Variants in ACTR1A observed in about 807,000 individuals in gnomAD.
ACTR1A encodes the protein actin related protein 1A, also known as alpha-centractin.
In ACTR1A, 10 loss-of-function variants were observed where a neutral mutation model predicts 50.7. The observed-to-expected ratio is 0.20, with a 90% CI of 0.12 to 0.33. The LOEUF is 0.33. Among genes scored for constraint, ACTR1A ranks in the 10% least tolerant of loss-of-function variants. The probability of loss-of-function intolerance (pLI) is 1.00; values close to 1 mark genes in which losing one functional copy is unlikely to be tolerated. For missense variants in ACTR1A, 253 were observed against 491.7 expected, an observed-to-expected ratio of 0.51 and a Z score of 4.59; for synonymous variants, 177 against 184.2, an observed-to-expected ratio of 0.96 and a Z score of 0.32.
chr10:102,482,086 C>T lies in ACTR1A; in HGVS notation c.840G>A (p.Val280=), dbSNP rs1378404819. 3.7e-6 allele frequency: 6 copies of T among 1,614,200 alleles called. No homozygotes were observed. The highest frequency in any genetic ancestry group is 1.7e-5 in the Admixed American group (1 of 60,022). ...CCATGTCTGACTTCTGAATGGCGAACACCAGGACCTCGTGGATGCCTTCAC... is the reference window on the plus strand; with the variant it reads ...CCATGTCTGACTTCTGAATGGCGAATACCAGGACCTCGTGGATGCCTTCAC... ...EESEGIHEVL[V]FAIQKSDMDL... The change falls in exon 8 of 11, where the codon GTG becomes GTA. Residue 280 remains valine (V), a synonymous_variant. Transcript: ENST00000369905. This position sits in a 1 kb window ranked among gnomAD's most constrained non-coding sequence, Gnocchi z 5.6.
intron 1 of ACTR1A, among the ~76,000 whole-genome samples, chr10:102,498,698 C>G (rs1016948579): frequency 2.0e-5 from 3 of 151,568 alleles, no homozygotes; most frequent in African/African-American, 7.3e-5. Context: ...GTCTCCAATT[C>G]CTGGGCTCAA....
At chr10:102,502,248 T>C (rs544004676) in intron 1 of ACTR1A, among the ~76,000 whole-genome samples, 6 of 152,368 alleles carry the variant, frequency 3.9e-5, no homozygotes, top group African/African-American at 1.2e-4. Flanking sequence ...GGCGGTATCA[T>C]TGGCTAAGAT....
At position 102,481,941 on chromosome 10, in the gene ACTR1A, G is replaced by C. The variant is rs771397305; in HGVS notation, c.926-43C>G. The C allele has an allele frequency of 1.9e-6, 3 of 1,613,446 alleles. No individual in the cohort carries two copies. In the East Asian group the frequency reaches 6.7e-5, roughly 36 times the overall value. ...AGAACTTCAAGTCAATTCTCAGGGT[G>C]CCTGGAGCCAGCAGGAGCTGAACAC... On this transcript the variant is annotated intron_variant, in intron 8 of 10. Coordinates refer to ENST00000369905, the MANE Select transcript of ACTR1A (RefSeq NM_005736.4).
intron 2 of ACTR1A, 38 bp downstream of exon 2, chr10:102,490,511 A>G: frequency 6.4e-7 from 1 of 1,564,590 alleles, no homozygotes; most frequent in East Asian, 2.2e-5. Flanking sequence ...AACAAAGCTG[A>G]TGAGCCTCCA....
chr10:102,500,717 A>C (rs2062246409), intron 1 of ACTR1A, among the ~76,000 whole-genome samples: 1 of 151,906 alleles, frequency 6.6e-6, no homozygotes, highest in Non-Finnish European at 1.5e-5. Flanking sequence ...AGATCGCACA[A>C]TTGCACTCCA....
At chr10:102,489,286 T>C in intron 2 of ACTR1A, 148 bp from the exon 3 acceptor site, 1 of 389,268 alleles carries the variant, frequency 2.6e-6, no homozygotes. Flanking sequence ...TCTTTATACT[T>C]TTCTGTATTT....
intron 1 of ACTR1A, among the ~76,000 whole-genome samples, chr10:102,493,001 C>CAAAAAAAAAAAAAA (rs398014648): frequency 0.021 from 1,025 of 48,840 alleles, 99 homozygotes; most frequent in African/African-American, 0.041. Context: ...GACTCCACCT[C>CAAAAAAAAAAAAAA]AAAAAAAAAA....
intron 6 of ACTR1A, chr10:102,483,486 TACAAAG>T (rs2062153152): frequency 5.6e-6 from 1 of 178,748 alleles, no homozygotes; most frequent in Non-Finnish European, 1.2e-5. Context: ...TCAGTTTACT[TACAAAG>T]ACAAATGTTT....
intron 1 of ACTR1A, among the ~76,000 whole-genome samples, chr10:102,498,699 CT>C (rs2062233837): frequency 1.3e-5 from 2 of 151,722 alleles, no homozygotes; most frequent in East Asian, 3.9e-4. Flanking sequence ...TCTCCAATTC[CT>C]GGGCTCAAAC....
Position 102,481,047 on chromosome 10 carries a change from A to C in ACTR1A, c.1029-82T>G, listed in dbSNP as rs1055919252. 2.5e-6 allele frequency: 4 copies of C among 1,585,332 alleles called. No individual in the cohort carries two copies. In the Middle Eastern group the frequency reaches 5.0e-4, roughly 198 times the overall value. Reference sequence around the variant, plus strand: ...CTACCAGTCCCCTGGGGCCAAACCAAATCAGGCTTTTCTTTAGAGGGTGCT... The same window carrying C: ...CTACCAGTCCCCTGGGGCCAAACCACATCAGGCTTTTCTTTAGAGGGTGCT... On this transcript the variant is annotated intron_variant, in intron 10 of 10. Coordinates refer to ENST00000369905, the MANE Select transcript of ACTR1A (RefSeq NM_005736.4).
intron 6 of ACTR1A, 37 bp from the exon 7 acceptor site, chr10:102,483,140 A>C: frequency 6.7e-7 from 1 of 1,502,690 alleles, no homozygotes; most frequent in African/African-American, 1.4e-5. Context: ...CTGGCAGGAA[A>C]TCTGGTGCAC....
chr10:102,491,592 C>G (rs2062194590), intron 1 of ACTR1A, among the ~76,000 whole-genome samples: 1 of 152,182 alleles, frequency 6.6e-6, no homozygotes, highest in Non-Finnish European at 1.5e-5. Flanking sequence ...GAACCACAGT[C>G]CTGCTGCTCC....
chr10:102,488,010 G>T lies in ACTR1A; in HGVS notation c.315+140C>A. On this transcript the variant is annotated intron_variant, in intron 4 of 10. Coordinates refer to ENST00000369905, the MANE Select transcript of ACTR1A (RefSeq NM_005736.4). The surrounding 1 kb of genome is among the most constrained non-coding windows in gnomAD (Gnocchi z 4.4). ...CTATATCTCATAGGAATGGTGTTAA[G>T]ATTAAATCTGAATATGCCTGAAAAT... 1.1e-6 allele frequency: 1 copy of T among 929,732 alleles called. No homozygotes were observed. The highest frequency in any genetic ancestry group is 1.6e-6 in the Non-Finnish European group (1 of 626,386). The allele number at this position is 929,732 out of a possible 1,614,324, so 57.6% of individuals were successfully genotyped here. A position where few individuals can be genotyped will look rare whatever the true frequency, so the allele number is the denominator to read the frequency against.
chr10:102,480,796 C>T lies in ACTR1A; in HGVS notation c.*67G>A. 7.5e-7 allele frequency: 1 copy of T among 1,326,316 alleles called. No individual in the cohort carries two copies. Among genetic ancestry groups the T allele is most frequent in the Non-Finnish European group, 1.1e-6 (1 of 919,246 alleles). 82.2% of individuals were successfully genotyped at this position (1,326,316 alleles called of 1,614,324 possible). A position where few individuals can be genotyped will look rare whatever the true frequency, so the allele number is the denominator to read the frequency against. On this transcript the variant is annotated 3_prime_UTR_variant, in exon 11 of 11. Coordinates refer to ENST00000369905, the MANE Select transcript of ACTR1A (RefSeq NM_005736.4). ...ACACAGGCAGTTCCTCGCAAACACT[C>T]CGACTCAAGAAAGCGAGTTTTAAAG...
At position 102,482,312 on chromosome 10, in the gene ACTR1A, T is replaced by G. The variant is rs1240032849; in HGVS notation, c.751-137A>C. The G allele has an allele frequency of 1.3e-6, 1 of 769,924 alleles. No homozygotes were observed. The highest frequency in any genetic ancestry group is 2.1e-6 in the Non-Finnish European group (1 of 473,762). The allele number at this position is 769,924 out of a possible 1,614,324, so 47.7% of individuals were successfully genotyped here. Reference sequence around the variant, plus strand: ...GGCCAGGCTCAAGACAGACTCTACATGTCAAGGGCTTAAAGGAACAAAGAT... The same window carrying G: ...GGCCAGGCTCAAGACAGACTCTACAGGTCAAGGGCTTAAAGGAACAAAGAT... On this transcript the variant is annotated intron_variant, in intron 7 of 10. Transcript: ENST00000369905. The surrounding 1 kb of genome is among the most constrained non-coding windows in gnomAD (Gnocchi z 5.6).
In ACTR1A at chr10:102,484,247, G is replaced by T. The variant is rs2062156384; in HGVS notation, c.570C>A (p.Val190=). 3.7e-6 allele frequency: 6 copies of T among 1,614,240 alleles called. No individual in the cohort carries two copies. Among genetic ancestry groups the T allele is most frequent in the Non-Finnish European group, 5.1e-6 (6 of 1,180,042 alleles). Residue 190 remains valine (V), a synonymous_variant, in exon 6 of 11, where the codon GTC becomes GTA. Coordinates refer to ENST00000369905, the MANE Select transcript of ACTR1A (RefSeq NM_005736.4). ...IMRIDIAGRD[V]SRFLRLYLRK... The stretch of plus-strand genomic sequence containing the variant: ...GCAGGTAGAGGCGCAGGAAGCGAGA[G>T]ACGTCCCGGCCCGCGATGTCGATGC...
chr10:102,482,122 A>C lies in ACTR1A; in HGVS notation c.804T>G (p.Ile268Met), dbSNP rs1309656709. Residue 268 changes from isoleucine (I) to methionine (M), a missense_variant, in exon 8 of 11, where the codon ATT (isoleucine) becomes ATG (methionine). This residue lies in a region of ACTR1A where 116 missense variants were observed against 155.9 expected (regional missense o/e 0.74). Coordinates refer to ENST00000369905, the MANE Select transcript of ACTR1A (RefSeq NM_005736.4). The surrounding 1 kb of genome is among the most constrained non-coding windows in gnomAD (Gnocchi z 5.6). The part of the protein sequence containing the change: ...APELLFRPDL[I>M]GEESEGIHEV... ...CGTGGATGCCTTCACTCTCCTCTCC[A>C]ATCAAATCTGGCCTGAAGAGCAACT... 1 of 1,614,102 alleles carries C rather than the reference A, an allele frequency of 6.2e-7. No homozygotes were observed. The highest frequency in any genetic ancestry group is 1.1e-5 in the South Asian group (1 of 91,086).
intron 1 of ACTR1A, among the ~76,000 whole-genome samples, chr10:102,501,274 T>G (rs2062250124): frequency 6.6e-6 from 1 of 152,236 alleles, no homozygotes; most frequent in Non-Finnish European, 1.5e-5. Flanking sequence ...ACTGGATGGT[T>G]TGAAATCTGT....
intron 9 of ACTR1A, 148 bp from the exon 10 acceptor site, chr10:102,481,320 C>T (rs1266235653): frequency 3.8e-5 from 31 of 820,674 alleles, no homozygotes; most frequent in Middle Eastern, 3.5e-4. Flanking sequence ...GGCCAGCCTG[C>T]CACTCATCTG....
Sources: gnomAD v4.1 joint callset for allele counts (sites outside exome capture counted in the v4.1 genomes callset) on GRCh38, gnomAD v4.1.1 for gene constraint, gnomAD v4.1.1 regional missense constraint, Gnocchi (gnomAD v3.1) non-coding constraint, MANE v1.5 for transcripts, NCBI Gene and HGNC (gene_info 2026-07-23, HGNC 2026-07-21) for gene names.